The following TGFBRAP1 variants were observed in gnomAD, a reference collection of about 807,000 sequenced individuals.
TGFBRAP1 encodes transforming growth factor-beta receptor-associated protein 1.
In TGFBRAP1, 20 loss-of-function variants were observed where a neutral mutation model predicts 83.2. That is an observed-to-expected ratio of 0.24 (90% confidence interval 0.17 to 0.35). The LOEUF (loss-of-function observed/expected upper bound fraction) is 0.35, where lower values mean the gene tolerates loss of function less well. Among genes scored for constraint, TGFBRAP1 ranks in the 10% least tolerant of loss-of-function variants. The probability of loss-of-function intolerance (pLI) is 1.00; values close to 1 mark genes in which losing one functional copy is unlikely to be tolerated. For missense variants in TGFBRAP1, 950 were observed against 1,099.4 expected (o/e 0.86, Z 1.92); for synonymous variants, 415 against 459.8 (o/e 0.90, Z 1.25).
the TGFBRAP1 span, among the ~76,000 whole-genome samples, chr2:105,257,571 T>C: frequency 6.6e-6 from 1 of 152,174 alleles, no homozygotes; most frequent in Non-Finnish European, 1.5e-5. Context: ...GATTCATCCA[T>C]ATTGTAGTGT....
intron 6 of TGFBRAP1, among the ~76,000 whole-genome samples, chr2:105,277,913 A>T (rs1403029698): frequency 6.6e-6 from 1 of 152,200 alleles, no homozygotes; most frequent in African/African-American, 2.4e-5. Flanking sequence ...TTTAAAAATT[A>T]GCCAGGTGTG....
At chr2:105,311,814 C>A (rs1678703538) in intron 1 of TGFBRAP1, among the ~76,000 whole-genome samples, 1 of 151,512 alleles carries the variant, frequency 6.6e-6, no homozygotes, top group Non-Finnish European at 1.5e-5. Flanking sequence ...GAGGCTGAGG[C>A]AGGAGAATCG....
At position 105,280,501 on chromosome 2, in the gene TGFBRAP1, G is replaced by A. The variant is rs758177891; in HGVS notation, c.1344C>T (p.Ile448=). 14 of 1,614,048 alleles carry A rather than the reference G, an allele frequency of 8.7e-6. No individual in the cohort carries two copies. Among genetic ancestry groups the A allele is most frequent in the Middle Eastern group, 1.6e-4 (1 of 6,084 alleles). ...CATACAGTTTGAGCAAGGCTGTGTC[G>A]ATGTCCTCCTTGTAGCCATTTGCTA... is the stretch of plus-strand genomic sequence containing the variant. ...TEVANGYKED[I]DTALLKLYAE... Residue 448 remains isoleucine, a synonymous_variant, in exon 6 of 12, where the codon ATC becomes ATT. Transcript: ENST00000393359.
intron 1 of TGFBRAP1, among the ~76,000 whole-genome samples, chr2:105,322,740 G>C (rs1573224946): frequency 6.6e-6 from 1 of 152,144 alleles, no homozygotes; most frequent in East Asian, 1.9e-4. Flanking sequence ...ATCCAGGTTT[G>C]TGTAATTCAC....
intron 1 of TGFBRAP1, among the ~76,000 whole-genome samples, chr2:105,315,521 A>T (rs1008893844): frequency 1.3e-5 from 2 of 152,234 alleles, no homozygotes; most frequent in African/African-American, 4.8e-5. Context: ...CAAACTAATA[A>T]CAAGAAGACA....
chr2:105,316,745 C>T (rs559631698), intron 1 of TGFBRAP1, among the ~76,000 whole-genome samples: 124 of 150,620 alleles, frequency 8.2e-4, no homozygotes, highest in Middle Eastern at 3.5e-3. Flanking sequence ...ACCTGGGAGG[C>T]GGAGGTTGCA....
At chr2:105,276,065 C>T (rs1360747172) in intron 7 of TGFBRAP1, among the ~76,000 whole-genome samples, 1 of 152,118 alleles carries the variant, frequency 6.6e-6, no homozygotes, top group Non-Finnish European at 1.5e-5. Context: ...AGAGAAGATT[C>T]ACCTACAACC....
chr2:105,308,449 G>A (rs1379971911), intron 1 of TGFBRAP1, 131 bp from the exon 2 acceptor site: 3 of 1,006,222 alleles, frequency 3.0e-6, no homozygotes, highest in Non-Finnish European at 4.2e-6. Context: ...ATCAAAAAAT[G>A]GAAAGAAACC....
chr2:105,288,862 G>A (rs1677805480), intron 4 of TGFBRAP1, among the ~76,000 whole-genome samples: 1 of 152,136 alleles, frequency 6.6e-6, no homozygotes, highest in African/African-American at 2.4e-5. Context: ...TTGTGAGGGT[G>A]CACAGAAAGA....
At position 105,269,070 on chromosome 2, in the gene TGFBRAP1, C is replaced by G. The variant is rs1023542848; in HGVS notation, c.2406+202G>C. ...AGCGTCCAAAAGGGGAGAAAAACTA[C>G]ACCGATGTTACACCTACCAGCCCAG... On this transcript the variant is annotated intron_variant, in intron 11 of 11. Transcript: ENST00000393359. This position sits in a 1 kb window ranked among gnomAD's most constrained non-coding sequence, Gnocchi z 4.1. Among the ~76,000 whole-genome samples the G allele has an allele frequency of 2.0e-5, 3 of 152,240 alleles. No individual in the cohort carries two copies. The highest frequency in any genetic ancestry group is 4.4e-5 in the Non-Finnish European group (3 of 68,034).
intron 1 of TGFBRAP1, among the ~76,000 whole-genome samples, chr2:105,328,150 A>G (rs1035363992): frequency 1.3e-5 from 2 of 152,110 alleles, no homozygotes; most frequent in African/African-American, 4.8e-5. Flanking sequence ...CCCTATTTTG[A>G]TGGAGGAATT....
chr2:105,249,942 GGTGTGTGCATGTGT>G, the TGFBRAP1 span: 2 of 152,234 alleles, frequency 1.3e-5, no homozygotes, highest in Admixed American at 6.5e-5. Context: ...GCAAAAGTAT[GGTGTGTGCATGTGT>G]GTGCGTGCAT....
chr2:105,259,999 A>G (rs922662047), downstream of TGFBRAP1, among the ~76,000 whole-genome samples: 1 of 152,238 alleles, frequency 6.6e-6, no homozygotes, highest in Non-Finnish European at 1.5e-5. Context: ...TATGAATATA[A>G]AAAATAGAAA....
Position 105,280,504 on chromosome 2 carries a change from G to A in TGFBRAP1, c.1341C>T (p.Asp447=). ...STEVANGYKE[D]IDTALLKLYA... The stretch of plus-strand genomic sequence containing the variant: ...ACAGTTTGAGCAAGGCTGTGTCGAT[G>A]TCCTCCTTGTAGCCATTTGCTACCT... Residue 447 remains aspartate, a synonymous_variant, in exon 6 of 12, where the codon GAC becomes GAT. Transcript: ENST00000393359. The A allele has an allele frequency of 6.2e-7, 1 of 1,614,202 alleles. No individual in the cohort carries two copies. Among genetic ancestry groups the A allele is most frequent in the Non-Finnish European group, 8.5e-7 (1 of 1,180,052 alleles).
intron 2 of TGFBRAP1, among the ~76,000 whole-genome samples, chr2:105,300,159 T>C (rs1678234917): frequency 6.6e-6 from 1 of 152,140 alleles, no homozygotes; most frequent in Non-Finnish European, 1.5e-5. Context: ...AGCACTGTCA[T>C]AGGACAGGGT....
rs553460899 is a variant in TGFBRAP1, at chr2:105,276,133, C to G, written c.1522-430G>C. 8.5e-5 allele frequency among the ~76,000 whole-genome samples: 13 copies of G among 152,254 alleles called. No homozygotes were observed. The South Asian group carries it at 2.5e-3, about 29-fold the overall frequency. On this transcript the variant is annotated intron_variant, in intron 7 of 11. Coordinates refer to ENST00000393359, the MANE Select transcript of TGFBRAP1 (RefSeq NM_004257.6). ...ACAGACATTCTTGATTTTGAAGTCC[C>G]CTTTGGACTGTGATAGGCAGATGTT...
Position 105,298,578 on chromosome 2 carries a change from G to A in TGFBRAP1, c.816C>T (p.Ser272=). The A allele has an allele frequency of 6.2e-7, 1 of 1,614,106 alleles. No homozygotes were observed. The highest frequency in any genetic ancestry group is 8.5e-7 in the Non-Finnish European group (1 of 1,179,972). Residue 272 remains serine (S), a synonymous_variant, in exon 3 of 12, where the codon AGC becomes AGT. Coordinates refer to ENST00000393359, the MANE Select transcript of TGFBRAP1 (RefSeq NM_004257.6). ...ALDDEFITVH[S]MLDQQQKQTL... is the part of the protein sequence containing the mutation. The stretch of plus-strand genomic sequence containing the variant: ...TCTGCTTCTGTTGCTGATCCAACAT[G>A]CTGTGGACTGTGATGAATTCGTCAT...
At position 105,267,304 on chromosome 2, in the gene TGFBRAP1, C is replaced by A; in HGVS notation, c.*79G>T. The A allele has an allele frequency of 6.4e-7, 1 of 1,567,324 alleles. No individual in the cohort carries two copies. The highest frequency in any genetic ancestry group is 1.2e-5 in the South Asian group (1 of 83,970). ...TCCCTTCGTCCTGGCTGACACAGAG[C>A]ATGGTGGTCATCTGCTCTTCATGTC... is the stretch of plus-strand genomic sequence containing the variant. On this transcript the variant is annotated 3_prime_UTR_variant, in exon 12 of 12. Coordinates refer to ENST00000393359, the MANE Select transcript of TGFBRAP1 (RefSeq NM_004257.6).
At chr2:105,306,942 G>A (rs932533044) in intron 2 of TGFBRAP1, among the ~76,000 whole-genome samples, 1 of 152,106 alleles carries the variant, frequency 6.6e-6, no homozygotes, top group African/African-American at 2.4e-5. Context: ...TGGAGGTAAT[G>A]AGCAATGCAG....
Sources: gnomAD v4.1 joint callset for allele counts (sites outside exome capture counted in the v4.1 genomes callset) on GRCh38, gnomAD v4.1.1 for gene constraint, Gnocchi (gnomAD v3.1) non-coding constraint, MANE v1.5 for transcripts, NCBI Gene and HGNC (gene_info 2026-07-23, HGNC 2026-07-21) for gene names.